Variants in CHST9 observed in about 807,000 individuals in gnomAD.
CHST9 encodes GalNAc-4-sulfotransferase 2.
Under a neutral mutation model 44.4 loss-of-function variants are expected in CHST9, and 41 were observed. That is an observed-to-expected ratio of 0.92 (90% confidence interval 0.72 to 1.20). The LOEUF is 1.20. Ranked by LOEUF, CHST9 falls within the 50% of genes most tolerant of loss-of-function variation. The pLI is 0.00. For missense variants in CHST9, 504 were observed against 516.5 expected (o/e 0.98, Z 0.23); for synonymous variants, 171 against 178.4 (o/e 0.96, Z 0.33).
intron 5 of CHST9, 64 bp from the exon 6 acceptor site, chr18:26,917,414 G>A: frequency 6.6e-7 from 1 of 1,508,934 alleles, no homozygotes; most frequent in Non-Finnish European, 8.9e-7. Flanking sequence ...ACTGGATAAG[G>A]AACTTCACAT....
chr18:27,046,198 C>T (rs756474544), intron 3 of CHST9, among the ~76,000 whole-genome samples: 8 of 152,002 alleles, frequency 5.3e-5, no homozygotes, highest in Admixed American at 1.3e-4. Context: ...ATGCTAGAGA[C>T]GTTTCCTTGT....
intron 2 of CHST9, among the ~76,000 whole-genome samples, chr18:27,135,564 A>G (rs1157073250): frequency 2.0e-5 from 3 of 152,158 alleles, no homozygotes; most frequent in African/African-American, 7.2e-5. Flanking sequence ...GTGCCAATAA[A>G]TCAGCCAAAG....
intron 4 of CHST9, among the ~76,000 whole-genome samples, chr18:26,950,553 G>A (rs572727007): frequency 6.6e-6 from 1 of 152,290 alleles, no homozygotes; most frequent in South Asian, 2.1e-4. Context: ...AAAATGGAAT[G>A]AAACAATGGC....
In CHST9 at chr18:27,109,527, G is replaced by A. The variant is rs866158848; in HGVS notation, c.121+33162C>T. Among the ~76,000 whole-genome samples, 5 of 152,310 alleles carry A rather than the reference G, an allele frequency of 3.3e-5. No homozygotes were observed. The South Asian group carries it at 1.0e-3, about 32-fold the overall frequency. On this transcript the variant is annotated intron_variant, in intron 2 of 5. Coordinates refer to ENST00000618847, the MANE Select transcript of CHST9 (RefSeq NM_031422.6). ...GCCACAGTTGAAGACTACGCAAAGC[G>A]TTTGACTGATCCAACTGAGATCTGT...
intron 4 of CHST9, among the ~76,000 whole-genome samples, chr18:26,970,920 G>A (rs2056534299): frequency 6.6e-6 from 1 of 152,294 alleles, no homozygotes; most frequent in South Asian, 2.1e-4. Context: ...GTGTGTGATT[G>A]AATGTTGTTC....
intron 2 of CHST9, among the ~76,000 whole-genome samples, chr18:27,093,344 G>A (rs149049396): frequency 1.1e-4 from 16 of 152,342 alleles, no homozygotes; most frequent in Non-Finnish European, 2.4e-4. Context: ...GCTATGCCCT[G>A]CCAACAGAGG....
At chr18:27,068,798 CA>C (rs1348076366) in intron 2 of CHST9, among the ~76,000 whole-genome samples, 1 of 152,166 alleles carries the variant, frequency 6.6e-6, no homozygotes, top group Non-Finnish European at 1.5e-5. Flanking sequence ...GCCCCTTTCA[CA>C]AATGTGGTCA....
chr18:27,173,190 G>A (rs2058845569), intron 1 of CHST9, among the ~76,000 whole-genome samples: 1 of 151,804 alleles, frequency 6.6e-6, no homozygotes, highest in East Asian at 1.9e-4. Context: ...TGACTAAATC[G>A]AGAGCTTTGT....
chr18:26,994,424 C>G (rs540032457), intron 4 of CHST9, among the ~76,000 whole-genome samples: 1 of 152,116 alleles, frequency 6.6e-6, no homozygotes, highest in South Asian at 2.1e-4. Context: ...GAGACAGAGC[C>G]AGAAAGAGCG....
intron 2 of CHST9, among the ~76,000 whole-genome samples, chr18:27,070,011 A>G (rs183300887): frequency 6.6e-6 from 1 of 152,328 alleles, no homozygotes; most frequent in East Asian, 1.9e-4. Flanking sequence ...TTAAAAAGCA[A>G]TAATTTCATA....
chr18:27,030,692 T>A (rs983262440), intron 3 of CHST9, among the ~76,000 whole-genome samples: 1 of 151,762 alleles, frequency 6.6e-6, no homozygotes, highest in African/African-American at 2.4e-5. Context: ...TAAAATAGAG[T>A]GAAAATCGAA....
intron 3 of CHST9, 124 bp downstream of exon 3, chr18:27,048,341 C>T (rs12458504): frequency 0.38 from 252,007 of 663,724 alleles, 52,073 homozygotes; most frequent in Non-Finnish European, 0.45. Flanking sequence ...AAATTAATAT[C>T]GATCAGTTCA....
chr18:26,940,964 G>C (rs2056073874), intron 5 of CHST9, among the ~76,000 whole-genome samples: 1 of 152,210 alleles, frequency 6.6e-6, no homozygotes, highest in Non-Finnish European at 1.5e-5. Context: ...TGTAAGCCAA[G>C]GAATGTCAAG....
At chr18:27,011,101 C>T (rs138614279) in intron 4 of CHST9, among the ~76,000 whole-genome samples, 47 of 152,224 alleles carry the variant, frequency 3.1e-4, no homozygotes, top group Non-Finnish European at 5.7e-4. Flanking sequence ...GACTTGAAGC[C>T]ACAGGAAGAT....
In CHST9 at chr18:27,003,954, T is replaced by A. The variant is rs1317737084; in HGVS notation, c.202+20162A>T. Among the ~76,000 whole-genome samples the A allele has an allele frequency of 3.3e-5, 5 of 151,970 alleles. No homozygotes were observed. In the East Asian group the frequency reaches 9.7e-4, roughly 29 times the overall value. On this transcript the variant is annotated intron_variant, in intron 4 of 5. Coordinates refer to ENST00000618847, the MANE Select transcript of CHST9 (RefSeq NM_031422.6). Reference sequence around the variant, plus strand: ...TATTCTCCTCTAGCCTCAGATAACATGTTATCTATTACCATCACGTTTAGG... The same window carrying A: ...TATTCTCCTCTAGCCTCAGATAACAAGTTATCTATTACCATCACGTTTAGG...
At chr18:27,078,473 G>GTA (rs141980740) in intron 2 of CHST9, among the ~76,000 whole-genome samples, 10,769 of 151,032 alleles carry the variant, frequency 0.071, 432 homozygotes, top group East Asian at 0.14. Context: ...TGTATGTAAA[G>GTA]TATATATATA....
intron 1 of CHST9, among the ~76,000 whole-genome samples, chr18:27,147,225 C>T (rs2058619727): frequency 6.6e-6 from 1 of 151,922 alleles, no homozygotes; most frequent in Admixed American, 6.6e-5. Flanking sequence ...CCACCACACC[C>T]GGCTGATTTT....
chr18:27,122,703 T>C (rs897098154), intron 2 of CHST9, among the ~76,000 whole-genome samples: 4 of 152,198 alleles, frequency 2.6e-5, no homozygotes, highest in African/African-American at 7.2e-5. Flanking sequence ...TTGATGCATG[T>C]GGAAGCAAAA....
intron 2 of CHST9, among the ~76,000 whole-genome samples, chr18:27,081,818 C>T (rs1035151757): frequency 1.3e-5 from 2 of 152,206 alleles, no homozygotes; most frequent in Non-Finnish European, 2.9e-5. Context: ...TTAATTCTAT[C>T]TTGTTTGCAA....
Sources: allele counts gnomAD v4.1 joint callset (sites outside exome capture counted in the v4.1 genomes callset), GRCh38; gene constraint gnomAD v4.1.1; transcripts MANE v1.5; gene names NCBI Gene and HGNC (gene_info 2026-07-23, HGNC 2026-07-21).